SLC47A1: variants seen among roughly 807,000 people sequenced by gnomAD.
The protein encoded by SLC47A1 is solute carrier family 47 member 1, also known as multidrug and toxin extrusion protein 1.
Under a neutral mutation model 65.8 loss-of-function variants are expected in SLC47A1, and 58 were observed. The observed-to-expected ratio is 0.88, with a 90% CI of 0.71 to 1.10. The LOEUF is 1.10. Among genes scored for constraint, SLC47A1 ranks in the 50% least tolerant of loss-of-function variants. SLC47A1 has a pLI of 0.00. For synonymous variants in SLC47A1, 285 were observed against 295.0 expected (o/e 0.97, Z 0.35); for missense variants, 706 against 719.2 (o/e 0.98, Z 0.21).
intron 6 of SLC47A1, among the ~76,000 whole-genome samples, chr17:19,554,421 A>G (rs1365106054): frequency 6.6e-6 from 1 of 152,186 alleles, no homozygotes; most frequent in African/African-American, 2.4e-5. Flanking sequence ...CCTCCACGCG[A>G]GAGTGGGGTG....
At chr17:19,549,038 C>T (rs977721020) in intron 4 of SLC47A1, among the ~76,000 whole-genome samples, 4 of 152,126 alleles carry the variant, frequency 2.6e-5, no homozygotes, top group African/African-American at 9.7e-5. Flanking sequence ...GAACATCCTG[C>T]AGTGCTCGGG....
At chr17:19,561,791 G>A (rs527950119) in intron 12 of SLC47A1, among the ~76,000 whole-genome samples, 4 of 152,252 alleles carry the variant, frequency 2.6e-5, no homozygotes, top group African/African-American at 9.6e-5. Flanking sequence ...TATTTTAAAG[G>A]TGGAAACCCC....
At chr17:19,565,089 G>C (rs2152316265) in intron 12 of SLC47A1, among the ~76,000 whole-genome samples, 1 of 152,254 alleles carries the variant, frequency 6.6e-6, no homozygotes. Flanking sequence ...TTCTAGTTTA[G>C]AGTGACAAAA....
chr17:19,555,777 G>A lies in SLC47A1; in HGVS notation c.740-19G>A, dbSNP rs368040325. ...CCCGATGGCCAGATCTCCTGGAAAT[G>A]TGTGTGTCCCCCCCACAGGCTGGTC... On this transcript the variant is annotated intron_variant, in intron 8 of 16. Transcript: ENST00000270570. 1.2e-6 allele frequency: 2 copies of A among 1,613,250 alleles called. No individual in the cohort carries two copies. Among genetic ancestry groups the A allele is most frequent in the Admixed American group, 1.7e-5 (1 of 60,012 alleles).
intron 16 of SLC47A1, among the ~76,000 whole-genome samples, chr17:19,575,588 C>A (rs1019661932): frequency 3.9e-5 from 6 of 151,966 alleles, no homozygotes; most frequent in African/African-American, 1.4e-4. Flanking sequence ...TTTGTAGAGA[C>A]CAGGTCTTGC....
chr17:19,568,743 A>AACTTATTCT (rs2084378023), intron 14 of SLC47A1, among the ~76,000 whole-genome samples: 1 of 152,046 alleles, frequency 6.6e-6, no homozygotes, highest in African/African-American at 2.4e-5. Flanking sequence ...TTGATCTCAA[A>AACTTATTCT]ACTTATTCTT....
At chr17:19,541,317 G>C (rs1346806853) in intron 1 of SLC47A1, among the ~76,000 whole-genome samples, 1 of 152,154 alleles carries the variant, frequency 6.6e-6, no homozygotes, top group Admixed American at 6.5e-5. Flanking sequence ...GGGAGCAGGG[G>C]TCAGGTGAAC....
chr17:19,577,837 A>G lies in SLC47A1; in HGVS notation c.*284A>G. 1.6e-6 allele frequency: 2 copies of G among 1,289,876 alleles called. No homozygotes were observed. The highest frequency in any genetic ancestry group is 2.0e-6 in the Non-Finnish European group (2 of 1,010,176). The allele number at this position is 1,289,876 out of a possible 1,614,324, so 79.9% of individuals were successfully genotyped here. Reference sequence around the variant, plus strand: ...CTGACTGCATTGGCCAATGGCTTTGATACTTCTGCTATTTTTTTAGACACA... The same window carrying G: ...CTGACTGCATTGGCCAATGGCTTTGGTACTTCTGCTATTTTTTTAGACACA... On this transcript the variant is annotated 3_prime_UTR_variant, in exon 17 of 17. Transcript: ENST00000270570.
intron 14 of SLC47A1, chr17:19,568,090 A>C (rs372998429): frequency 6.6e-6 from 1 of 152,204 alleles, no homozygotes; most frequent in East Asian, 1.9e-4. Flanking sequence ...AAACCTGGAC[A>C]TTTATCTTTG....
At position 19,534,108 on chromosome 17, in the gene SLC47A1, C is replaced by G. The variant is rs766280855; in HGVS notation, c.135+34C>G. On this transcript the variant is annotated intron_variant, in intron 1 of 16. Coordinates refer to ENST00000270570, the MANE Select transcript of SLC47A1 (RefSeq NM_018242.3). ...GGTGGCCTCAGTGGCAGGCCGGTAC[C>G]GGCGGGCTGGGGACCTGGTGATTTC... 6.0e-6 allele frequency: 9 copies of G among 1,493,988 alleles called. No individual in the cohort carries two copies. The South Asian group carries it at 8.9e-5, about 15-fold the overall frequency. The allele number at this position is 1,493,988 out of a possible 1,614,324, so 92.5% of individuals were successfully genotyped here. A position where few individuals can be genotyped will look rare whatever the true frequency, so the allele number is the denominator to read the frequency against.
chr17:19,540,410 G>A (rs1916109911), intron 1 of SLC47A1, among the ~76,000 whole-genome samples: 1 of 152,222 alleles, frequency 6.6e-6, no homozygotes, highest in Non-Finnish European at 1.5e-5. Flanking sequence ...TTAAAGCACA[G>A]TGAACTGAAC....
Position 19,578,520 on chromosome 17 carries a change from C to T in SLC47A1, c.*967C>T. The T allele has an allele frequency of 5.9e-6, 1 of 168,622 alleles. No homozygotes were observed. The allele number at this position is 168,622 out of a possible 1,614,324, so 10.4% of individuals were successfully genotyped here. ...CAGAGGACAAAATTTTAATAAAGGT[C>T]TTAGCTTAAGCAGTAATCCTACTTC... On this transcript the variant is annotated 3_prime_UTR_variant, in exon 17 of 17. Transcript: ENST00000270570.
At chr17:19,560,389 G>A (rs2084299575) in intron 11 of SLC47A1, 29 bp from the exon 12 acceptor site, 1 of 1,613,678 alleles carries the variant, frequency 6.2e-7, no homozygotes, top group Admixed American at 1.7e-5. Context: ...TGTTCACTGT[G>A]TTGTTTCTTC....
chr17:19,552,388 T>G (rs1597500131), intron 6 of SLC47A1, among the ~76,000 whole-genome samples: 1 of 152,164 alleles, frequency 6.6e-6, no homozygotes, highest in African/African-American at 2.4e-5. Flanking sequence ...GAATCCCGAT[T>G]AGCATAGAAT....
At position 19,560,230 on chromosome 17, in the gene SLC47A1, A is replaced by G. The variant is rs759538536; in HGVS notation, c.964A>G (p.Asn322Asp). 6.2e-7 allele frequency: 1 copy of G among 1,613,568 alleles called. No individual in the cohort carries two copies. Among genetic ancestry groups the G allele is most frequent in the Admixed American group, 1.7e-5 (1 of 60,010 alleles). Residue 322 changes from asparagine (N) to aspartate (D), a missense_variant, in exon 11 of 17, where the codon AAC becomes GAC. Asn to Asp is a conservative substitution (Grantham distance 23). Coordinates refer to ENST00000270570, the MANE Select transcript of SLC47A1 (RefSeq NM_018242.3). ...FSVAASVRVG[N>D]ALGAGDMEQA... ...TGTGGCTGCCAGTGTCCGGGTAGGA[A>G]ACGCTCTGGGTGCTGGAGACATGGA...
At chr17:19,534,169 C>A in intron 1 of SLC47A1, 95 bp downstream of exon 1, 1 of 1,362,818 alleles carries the variant, frequency 7.3e-7, no homozygotes, top group Non-Finnish European at 9.6e-7. Flanking sequence ...CTTTGGGGAC[C>A]GAGCGAGCTG....
At chr17:19,542,107 A>G (rs11204406) in intron 1 of SLC47A1, among the ~76,000 whole-genome samples, 66,069 of 151,810 alleles carry the variant, frequency 0.44, 14,590 homozygotes, top group Middle Eastern at 0.57. Flanking sequence ...CCCAGGTGAC[A>G]GTGTGAGACT....
At chr17:19,564,935 T>A (rs1171536781) in intron 12 of SLC47A1, among the ~76,000 whole-genome samples, 1 of 152,200 alleles carries the variant, frequency 6.6e-6, no homozygotes, top group Non-Finnish European at 1.5e-5. Context: ...GTCAGGCTGG[T>A]CTCGAACTCA....
Position 19,560,428 on chromosome 17 carries a change from T to C in SLC47A1, c.1041T>C (p.Ala347=), listed in dbSNP as rs1390561862. 1 of 1,614,224 alleles carries C rather than the reference T, an allele frequency of 6.2e-7. No individual in the cohort carries two copies. Among genetic ancestry groups the C allele is most frequent in the Non-Finnish European group, 8.5e-7 (1 of 1,180,032 alleles). ...CGTTTTTACCTTCAGTGCTCTTTGC[T>C]GTAGCCTTCAGTGTCCTGCTGTTAA... is the stretch of plus-strand genomic sequence containing the variant. ...TVSLLITVLF[A]VAFSVLLLSC... is the part of the protein sequence containing the mutation. Residue 347 remains alanine, a synonymous_variant, in exon 12 of 17, where the codon GCT becomes GCC. Coordinates refer to ENST00000270570, the MANE Select transcript of SLC47A1 (RefSeq NM_018242.3).
Sources: allele counts gnomAD v4.1 joint callset (sites outside exome capture counted in the v4.1 genomes callset), GRCh38; gene constraint gnomAD v4.1.1; transcripts MANE v1.5; gene names NCBI Gene and HGNC (gene_info 2026-07-23, HGNC 2026-07-21).